The following EBPL variants were observed in gnomAD, a reference collection of about 807,000 sequenced individuals.
EBPL encodes EBP like.
EBPL carries 20 observed loss-of-function variants against 19.0 expected under a neutral mutation model. The observed-to-expected ratio is 1.05, with a 90% CI of 0.74 to 1.53. EBPL has a LOEUF of 1.53. Among genes scored for constraint, EBPL ranks in the 40% most tolerant of loss-of-function variants. The pLI, the probability that EBPL is intolerant of heterozygous loss-of-function variation, is 0.00. For synonymous variants in EBPL, 107 were observed against 117.0 expected (o/e 0.91, Z 0.55); for missense variants, 219 against 261.1 (o/e 0.84, Z 1.11).
chr13:49,664,482 T>G (rs1322058801), intron 2 of EBPL, among the ~76,000 whole-genome samples: 1 of 152,138 alleles, frequency 6.6e-6, no homozygotes, highest in Non-Finnish European at 1.5e-5. Context: ...CAGAGTGGTT[T>G]CTTCTCAGGA....
intron 1 of EBPL, among the ~76,000 whole-genome samples, chr13:49,673,962 TACACACAC>T (rs56323070): frequency 4.2e-5 from 6 of 143,268 alleles, no homozygotes; most frequent in South Asian, 2.3e-4. Context: ...TGGAACTTAA[TACACACAC>T]ACACACACAC....
intron 2 of EBPL, chr13:49,668,401 G>A (rs572604882): frequency 9.3e-5 from 22 of 236,616 alleles, no homozygotes; most frequent in South Asian, 4.8e-4. Context: ...GTGAAACCCC[G>A]TCTCTACTAA....
chr13:49,680,659 T>C (rs1953932490), intron 1 of EBPL, among the ~76,000 whole-genome samples: 2 of 152,056 alleles, frequency 1.3e-5, no homozygotes, highest in Admixed American at 6.6e-5. Flanking sequence ...CCCACTCTAC[T>C]AAAAATACAA....
At chr13:49,682,329 A>AG (rs745979608) in intron 1 of EBPL, among the ~76,000 whole-genome samples, 2 of 152,230 alleles carry the variant, frequency 1.3e-5, no homozygotes, top group Non-Finnish European at 2.9e-5. Flanking sequence ...CTCTGCCAGA[A>AG]GGTTGTTACT....
chr13:49,667,731 T>G (rs1319842010), intron 2 of EBPL, among the ~76,000 whole-genome samples: 1 of 152,242 alleles, frequency 6.6e-6, no homozygotes, highest in East Asian at 1.9e-4. Context: ...ATAATCCTCC[T>G]GCCTCAGCCT....
intron 1 of EBPL, among the ~76,000 whole-genome samples, chr13:49,673,334 C>A (rs1027952658): frequency 8.5e-5 from 13 of 152,194 alleles, no homozygotes; most frequent in African/African-American, 3.1e-4. Context: ...TATACAAAAA[C>A]AACTACACGA....
Position 49,691,411 on chromosome 13 carries a change from C to T in EBPL, c.14G>A (p.Trp5Ter), listed in dbSNP as rs1954064545. 2 of 1,345,420 alleles carry T rather than the reference C, an allele frequency of 1.5e-6. No homozygotes were observed. Among genetic ancestry groups the T allele is most frequent in the African/African-American group, 3.0e-5 (2 of 66,498 alleles). 83.3% of individuals were successfully genotyped at this position (1,345,420 alleles called of 1,614,324 possible). A position where few individuals can be genotyped will look rare whatever the true frequency, so the allele number is the denominator to read the frequency against. Residue 5 changes from tryptophan to a stop codon, truncating the protein, a stop_gained, in exon 1 of 4, where the codon TGG becomes TAG. Coordinates refer to ENST00000242827, the MANE Select transcript of EBPL (RefSeq NM_032565.5). LOFTEE classifies it high-confidence loss of function. MGAE[W>*]ELGAEAGGSL... is the part of the protein sequence containing the mutation. ...ACCGCCAGCCTCGGCCCCCAGCTCC[C>T]ACTCAGCGCCCATGCTTCAGGCTTC...
At chr13:49,678,379 C>T (rs1461546597) in intron 1 of EBPL, among the ~76,000 whole-genome samples, 1 of 152,214 alleles carries the variant, frequency 6.6e-6, no homozygotes, top group African/African-American at 2.4e-5. Flanking sequence ...CGCTGCGGAG[C>T]AGGGGGCAGT....
chr13:49,669,154 C>T (rs1040911780), intron 2 of EBPL, among the ~76,000 whole-genome samples: 5 of 152,160 alleles, frequency 3.3e-5, no homozygotes, highest in East Asian at 3.8e-4. Flanking sequence ...GCTGGGATTA[C>T]AGGCGTGAGC....
At chr13:49,662,922 C>T (rs934833523) in intron 3 of EBPL, 135 bp downstream of exon 3, 12 of 1,180,488 alleles carry the variant, frequency 1.0e-5, no homozygotes, top group Non-Finnish European at 1.4e-5. Flanking sequence ...AGGTGGGAGC[C>T]ACCGCGCCCA....
Position 49,680,407 on chromosome 13 carries a change from G to T in EBPL, c.172-10561C>A, listed in dbSNP as rs890164966. Among the ~76,000 whole-genome samples, 3 of 152,142 alleles carry T rather than the reference G, an allele frequency of 2.0e-5. No individual in the cohort carries two copies. The South Asian group carries it at 6.2e-4, about 32-fold the overall frequency. On this transcript the variant is annotated intron_variant, in intron 1 of 3. Transcript: ENST00000242827. Reference sequence around the variant, plus strand: ...AACAATGAAAAAGGGAGGGAGAGAAGGACAAAAACAGAAGAAAAAGTGACA... The same window carrying T: ...AACAATGAAAAAGGGAGGGAGAGAATGACAAAAACAGAAGAAAAAGTGACA...
At chr13:49,685,793 A>C (rs560763110) in intron 1 of EBPL, among the ~76,000 whole-genome samples, 45 of 152,184 alleles carry the variant, frequency 3.0e-4, no homozygotes, top group Non-Finnish European at 3.7e-4. Flanking sequence ...GAATTGCTTG[A>C]ATCTGGGAGG....
intron 2 of EBPL, among the ~76,000 whole-genome samples, chr13:49,665,589 T>G (rs1965214131): frequency 6.6e-6 from 1 of 152,170 alleles, no homozygotes; most frequent in African/African-American, 2.4e-5. Context: ...GTATTTTTGG[T>G]AGAGACAGGG....
chr13:49,686,902 C>T (rs375088980), intron 1 of EBPL, among the ~76,000 whole-genome samples: 1 of 152,118 alleles, frequency 6.6e-6, no homozygotes, highest in East Asian at 1.9e-4. Flanking sequence ...TTCAAGTGAT[C>T]CTCCTACTTC....
At chr13:49,678,837 A>G (rs1304674570) in intron 1 of EBPL, among the ~76,000 whole-genome samples, 2 of 151,730 alleles carry the variant, frequency 1.3e-5, no homozygotes, top group African/African-American at 4.8e-5. Flanking sequence ...ACCTCTCAAT[A>G]TTAAAAAATA....
At position 49,661,016 on chromosome 13, in the gene EBPL, G is replaced by A. The variant is rs1214630658; in HGVS notation, c.573C>T (p.Leu191=). 6.2e-7 allele frequency: 1 copy of A among 1,613,638 alleles called. No individual in the cohort carries two copies. Among genetic ancestry groups the A allele is most frequent in the Non-Finnish European group, 8.5e-7 (1 of 1,179,868 alleles). ...GLLLWQSWLE[L]KKMHQKETSS... is the part of the protein sequence containing the mutation. ...TGGTTTCTTTCTGATGCATTTTCTTGAGTTCTAGCCATGACTGCCACAGTA... is the reference window on the plus strand; with the variant it reads ...TGGTTTCTTTCTGATGCATTTTCTTAAGTTCTAGCCATGACTGCCACAGTA... Residue 191 remains leucine (L), a synonymous_variant, in exon 4 of 4, where the codon CTC becomes CTT. Coordinates refer to ENST00000242827, the MANE Select transcript of EBPL (RefSeq NM_032565.5).
At chr13:49,689,879 G>C (rs141338077) in intron 1 of EBPL, among the ~76,000 whole-genome samples, 4,299 of 152,242 alleles carry the variant, frequency 0.028, 204 homozygotes, top group African/African-American at 0.097. Flanking sequence ...GGCGGTGGCG[G>C]TGGCTCACGC....
intron 1 of EBPL, among the ~76,000 whole-genome samples, chr13:49,677,939 C>T (rs182727207): frequency 1.3e-3 from 192 of 152,236 alleles, no homozygotes; most frequent in Non-Finnish European, 1.9e-3. Flanking sequence ...TGTTACAGCT[C>T]ACAAAGGCAA....
intron 1 of EBPL, among the ~76,000 whole-genome samples, chr13:49,671,761 G>A (rs1376583316): frequency 2.6e-5 from 4 of 152,142 alleles, no homozygotes; most frequent in Non-Finnish European, 4.4e-5. Flanking sequence ...ATCCTAAAAC[G>A]AAATGCAACC....
Sources: allele counts gnomAD v4.1 joint callset (sites outside exome capture counted in the v4.1 genomes callset), GRCh38; gene constraint gnomAD v4.1.1; transcripts MANE v1.5; gene names NCBI Gene and HGNC (gene_info 2026-07-23, HGNC 2026-07-21).